CTIF: variants seen among roughly 807,000 people sequenced by gnomAD.
CTIF encodes the protein CBP80/20-dependent translation initiation factor.
CTIF carries 21 observed loss-of-function variants against 66.0 expected under a neutral mutation model. That is an observed-to-expected ratio of 0.32 (90% CI 0.23 to 0.46). The LOEUF (loss-of-function observed/expected upper bound fraction) is 0.46, where lower values mean the gene tolerates loss of function less well. Ranked by LOEUF, CTIF falls within the 20% of genes least tolerant of loss-of-function variation. The probability of loss-of-function intolerance (pLI) is 1.00; values close to 1 mark genes in which losing one functional copy is unlikely to be tolerated. For missense variants in CTIF, 739 were observed against 812.7 expected, an observed-to-expected ratio of 0.91 and a Z score of 1.10; for synonymous variants, 345 against 326.4, an observed-to-expected ratio of 1.06 and a Z score of -0.62.
chr18:48,661,722 G>A (rs554888433), intron 3 of CTIF: 5 of 152,332 alleles, frequency 3.3e-5, no homozygotes, highest in South Asian at 4.1e-4. Context: ...GATATCTGCC[G>A]CTGGCAGGAG....
At chr18:48,666,010 C>T (rs1307436064) in intron 5 of CTIF, among the ~76,000 whole-genome samples, 1 of 152,186 alleles carries the variant, frequency 6.6e-6, no homozygotes, top group Non-Finnish European at 1.5e-5. Flanking sequence ...TTCTGTTGAA[C>T]TCTTTGAGGA....
intron 10 of CTIF, among the ~76,000 whole-genome samples, chr18:48,839,587 G>C (rs1224497471): frequency 6.6e-6 from 1 of 152,226 alleles, no homozygotes; most frequent in African/African-American, 2.4e-5. Context: ...ACACAGAGGG[G>C]TTGCCTGTAT....
intron 3 of CTIF, among the ~76,000 whole-genome samples, chr18:48,645,877 C>T (rs2091022110): frequency 1.3e-5 from 2 of 152,160 alleles, no homozygotes; most frequent in African/African-American, 2.4e-5. Context: ...TTCCACCTGG[C>T]AATAATGAGG....
intron 7 of CTIF, among the ~76,000 whole-genome samples, chr18:48,720,963 T>G (rs957403654): frequency 3.3e-5 from 5 of 152,088 alleles, no homozygotes; most frequent in Non-Finnish European, 5.9e-5. Flanking sequence ...GGGGGTTCTC[T>G]CCCATCGGGA....
chr18:48,795,971 G>A (rs2067907321), intron 9 of CTIF, among the ~76,000 whole-genome samples: 1 of 152,168 alleles, frequency 6.6e-6, no homozygotes, highest in Non-Finnish European at 1.5e-5. Context: ...GGGAAGAGAA[G>A]CAATCCCCAA....
At chr18:48,630,791 T>C (rs1043575119) in intron 2 of CTIF, among the ~76,000 whole-genome samples, 8 of 152,068 alleles carry the variant, frequency 5.3e-5, no homozygotes, top group Admixed American at 5.2e-4. Context: ...TTCTCCTGCC[T>C]CAGCCTCCCA....
At chr18:48,692,612 C>T (rs556500043) in intron 6 of CTIF, 1 of 152,196 alleles carries the variant, frequency 6.6e-6, no homozygotes, top group Non-Finnish European at 1.5e-5. Flanking sequence ...GAACATGCAG[C>T]TTCTGATTCA....
chr18:48,569,144 A>C (rs968109146), intron 1 of CTIF, among the ~76,000 whole-genome samples: 1 of 151,916 alleles, frequency 6.6e-6, no homozygotes, highest in Non-Finnish European at 1.5e-5. Flanking sequence ...CTTAATTACC[A>C]CTCTAAAGTC....
intron 10 of CTIF, among the ~76,000 whole-genome samples, chr18:48,855,152 C>A (rs746513400): frequency 1.3e-5 from 2 of 152,140 alleles, no homozygotes; most frequent in South Asian, 4.1e-4. Context: ...GTGCTGCTTT[C>A]GAAGTGCCAC....
intron 6 of CTIF, among the ~76,000 whole-genome samples, chr18:48,698,340 C>T (rs534625257): frequency 6.6e-6 from 1 of 151,988 alleles, no homozygotes; most frequent in Admixed American, 6.6e-5. Flanking sequence ...GGCCCAGCAG[C>T]TGGCATGGGA....
intron 1 of CTIF, among the ~76,000 whole-genome samples, chr18:48,602,720 C>T (rs754376462): frequency 6.6e-6 from 1 of 152,176 alleles, no homozygotes; most frequent in Non-Finnish European, 1.5e-5. Context: ...CGCTTCTCTG[C>T]CCTTCGTTTT....
chr18:48,615,051 C>A (rs575890267), intron 1 of CTIF, among the ~76,000 whole-genome samples: 2 of 152,176 alleles, frequency 1.3e-5, no homozygotes, highest in East Asian at 3.9e-4. Context: ...TGCGACCATG[C>A]TCAGCTAATT....
intron 10 of CTIF, among the ~76,000 whole-genome samples, chr18:48,836,018 C>A (rs1237906120): frequency 6.6e-6 from 1 of 152,128 alleles, no homozygotes; most frequent in African/African-American, 2.4e-5. Context: ...GCTGTTTGGT[C>A]CCCATGGCCC....
intron 6 of CTIF, among the ~76,000 whole-genome samples, chr18:48,679,879 G>T (rs111617058): frequency 0.011 from 1,644 of 152,268 alleles, 8 homozygotes; most frequent in Middle Eastern, 0.037. Context: ...GAGGGGAGAG[G>T]GACCTATGGG....
At chr18:48,715,708 G>T (rs986490642) in intron 7 of CTIF, among the ~76,000 whole-genome samples, 3 of 152,244 alleles carry the variant, frequency 2.0e-5, no homozygotes, top group Non-Finnish European at 4.4e-5. Flanking sequence ...AATGGATGTT[G>T]TAGCCTGAGC....
intron 9 of CTIF, among the ~76,000 whole-genome samples, chr18:48,801,803 T>C (rs776508187): frequency 1.1e-4 from 16 of 152,128 alleles, no homozygotes; most frequent in African/African-American, 3.4e-4. Flanking sequence ...CTGCCTAGGG[T>C]TGGGGACCCA....
At chr18:48,735,852 A>G (rs890715260) in intron 7 of CTIF, among the ~76,000 whole-genome samples, 2 of 152,252 alleles carry the variant, frequency 1.3e-5, no homozygotes, top group East Asian at 1.9e-4. Flanking sequence ...GCAGCCATCA[A>G]TCTGGGACAG....
chr18:48,576,781 T>C (rs8096949), intron 1 of CTIF, among the ~76,000 whole-genome samples: 11,369 of 152,320 alleles, frequency 0.075, 542 homozygotes, highest in African/African-American at 0.13. Context: ...TTCTCCTATT[T>C]ACACCGTAAT....
intron 3 of CTIF, among the ~76,000 whole-genome samples, chr18:48,656,565 A>G (rs1340688976): frequency 6.6e-6 from 1 of 152,100 alleles, no homozygotes; most frequent in East Asian, 1.9e-4. Context: ...AGACAACTTC[A>G]GTTTCCCTTC....
Sources: gnomAD v4.1 joint callset for allele counts (sites outside exome capture counted in the v4.1 genomes callset) on GRCh38, gnomAD v4.1.1 for gene constraint, MANE v1.5 for transcripts, NCBI Gene and HGNC (gene_info 2026-07-23, HGNC 2026-07-21) for gene names.